ZNF704: variants seen among roughly 807,000 people sequenced by gnomAD.
The protein encoded by ZNF704 is zinc finger protein 704.
A neutral mutation model predicts 44.7 loss-of-function variants in ZNF704; 10 were observed. The ratio of observed to expected loss-of-function variants is 0.22; its 90% CI spans 0.14 to 0.38. The LOEUF is 0.38. Ranked by LOEUF, ZNF704 falls within the 10% of genes least tolerant of loss-of-function variation. The probability of loss-of-function intolerance (pLI) is 1.00; values close to 1 mark genes in which losing one functional copy is unlikely to be tolerated. For missense variants in ZNF704, 390 were observed against 545.5 expected (o/e 0.71, Z 2.84); for synonymous variants, 211 against 207.6 (o/e 1.02, Z -0.14).
chr8:80,737,119 C>T (rs1369906226), intron 2 of ZNF704, among the ~76,000 whole-genome samples: 1 of 152,184 alleles, frequency 6.6e-6, no homozygotes, highest in Non-Finnish European at 1.5e-5. Context: ...AGGTGATTTG[C>T]TAACCATGTT....
chr8:80,862,066 C>A (rs997988315), intron 1 of ZNF704, among the ~76,000 whole-genome samples: 17 of 119,244 alleles, frequency 1.4e-4, no homozygotes, highest in African/African-American at 5.7e-4. Context: ...TGCAGTGGTG[C>A]GATCTTGGCT....
At chr8:80,768,235 C>G (rs1251569237) in intron 2 of ZNF704, among the ~76,000 whole-genome samples, 5 of 152,046 alleles carry the variant, frequency 3.3e-5, no homozygotes, top group Non-Finnish European at 7.4e-5. Context: ...AGAAACAAGA[C>G]TACAGTACAA....
At chr8:80,712,990 G>A (rs1026759797) in intron 2 of ZNF704, among the ~76,000 whole-genome samples, 2 of 151,676 alleles carry the variant, frequency 1.3e-5, no homozygotes, top group Non-Finnish European at 2.9e-5. Context: ...TCACCTCCGA[G>A]GTTCAAGGGA....
upstream of ZNF704, among the ~76,000 whole-genome samples, chr8:80,877,030 G>T (rs1196254114): frequency 6.6e-6 from 1 of 152,034 alleles, no homozygotes; most frequent in Non-Finnish European, 1.5e-5. Flanking sequence ...ATTGGCATTT[G>T]TGACTTAGTG....
chr8:80,821,454 T>C lies in ZNF704; in HGVS notation c.141A>G (p.Glu47=), dbSNP rs759127348. The C allele has an allele frequency of 3.1e-6, 5 of 1,614,048 alleles. No homozygotes were observed. Among genetic ancestry groups the C allele is most frequent in the East Asian group, 4.5e-5 (2 of 44,884 alleles). Reference sequence around the variant, plus strand: ...GACAGATGGAGCGAGTGTTTTCTTTTTCATGGTCAAGGATCCGGCTGGCTT... The same window carrying C: ...GACAGATGGAGCGAGTGTTTTCTTTCTCATGGTCAAGGATCCGGCTGGCTT... ...TKKASRILDH[E]KENTRSICLL... Residue 47 remains glutamate (E), a synonymous_variant, in exon 2 of 9, where the codon GAA becomes GAG. Transcript: ENST00000327835.
At chr8:80,855,141 G>T (rs534811124) in intron 1 of ZNF704, among the ~76,000 whole-genome samples, 1 of 152,254 alleles carries the variant, frequency 6.6e-6, no homozygotes, top group Admixed American at 6.5e-5. Context: ...TATATCGTCT[G>T]TACCCAGCAA....
At chr8:80,883,831 C>T in the ZNF704 span, among the ~76,000 whole-genome samples, 1 of 152,118 alleles carries the variant, frequency 6.6e-6, no homozygotes, top group Admixed American at 6.6e-5. Context: ...TAGGGTATTT[C>T]GAGGTTTGAT....
intron 2 of ZNF704, among the ~76,000 whole-genome samples, chr8:80,817,574 C>T (rs1247351614): frequency 5.3e-5 from 8 of 152,212 alleles, no homozygotes; most frequent in Non-Finnish European, 1.2e-4. Context: ...ATGTTTAATC[C>T]TGTCTTGGCA....
At chr8:80,693,450 A>G (rs1424369033) in intron 2 of ZNF704, among the ~76,000 whole-genome samples, 1 of 152,218 alleles carries the variant, frequency 6.6e-6, no homozygotes, top group Non-Finnish European at 1.5e-5. Context: ...GACGGTGGGA[A>G]GCAACACACT....
In ZNF704 at chr8:80,636,902, T is replaced by A. The variant is rs958864113; in HGVS notation, c.*4464A>T. 2 of 152,230 alleles carry A rather than the reference T, an allele frequency of 1.3e-5. No individual in the cohort carries two copies. The highest frequency in any genetic ancestry group is 2.9e-5 in the Non-Finnish European group (2 of 68,040). 9.4% of individuals were successfully genotyped at this position (152,230 alleles called of 1,614,324 possible). ...TGCTATTAAAGCAAAATGTACATCG[T>A]TCACGGCTTGCTTTCGCCTACGGAA... On this transcript the variant is annotated 3_prime_UTR_variant, in exon 9 of 9. Transcript: ENST00000327835.
intron 4 of ZNF704, among the ~76,000 whole-genome samples, chr8:80,671,436 A>C (rs1818276652): frequency 6.6e-6 from 1 of 152,276 alleles, no homozygotes; most frequent in African/African-American, 2.4e-5. Context: ...TTTATAAAAT[A>C]GGAATAATAA....
chr8:80,676,891 G>A lies in ZNF704; in HGVS notation c.559-6288C>T, dbSNP rs59885552. Reference sequence around the variant, plus strand: ...TTGACCTGCAGGAGGCGGAGCACAGGCGGTAATGCTCGCTTGCCTCCTGCT... The same window carrying A: ...TTGACCTGCAGGAGGCGGAGCACAGACGGTAATGCTCGCTTGCCTCCTGCT... On this transcript the variant is annotated intron_variant, in intron 4 of 8. Coordinates refer to ENST00000327835, the MANE Select transcript of ZNF704 (RefSeq NM_001033723.3). Among the ~76,000 whole-genome samples, 854 of 152,334 alleles carry A rather than the reference G, an allele frequency of 5.6e-3. 10 individuals are homozygous for A. The highest frequency in any genetic ancestry group is 0.019 in the African/African-American group (809 of 41,574).
At chr8:80,786,787 G>A (rs569701591) in intron 2 of ZNF704, among the ~76,000 whole-genome samples, 8 of 152,140 alleles carry the variant, frequency 5.3e-5, no homozygotes, top group East Asian at 1.9e-4. Context: ...TGGACTCACC[G>A]ATAGCCCAGA....
chr8:80,779,981 G>A (rs1020965780), intron 2 of ZNF704, among the ~76,000 whole-genome samples: 1 of 152,024 alleles, frequency 6.6e-6, no homozygotes, highest in Non-Finnish European at 1.5e-5. Flanking sequence ...CTAGTGGGAA[G>A]GAGCAGCAAA....
At chr8:80,733,089 A>T (rs753529511) in intron 2 of ZNF704, among the ~76,000 whole-genome samples, 1 of 152,158 alleles carries the variant, frequency 6.6e-6, no homozygotes, top group African/African-American at 2.4e-5. Context: ...TTGTGAACAC[A>T]GCAATAAAAG....
At chr8:80,833,269 G>A (rs960049754) in intron 1 of ZNF704, among the ~76,000 whole-genome samples, 1 of 152,196 alleles carries the variant, frequency 6.6e-6, no homozygotes, top group African/African-American at 2.4e-5. Flanking sequence ...AGAATCGCTT[G>A]AACCTGGGAG....
intron 2 of ZNF704, among the ~76,000 whole-genome samples, chr8:80,795,114 C>T (rs534355666): frequency 4.7e-4 from 72 of 152,286 alleles, no homozygotes; most frequent in African/African-American, 1.6e-3. Context: ...CTCACACAAG[C>T]GCACACACAG....
At position 80,874,665 on chromosome 8, in the gene ZNF704, G is replaced by A. The variant is rs1274634185; in HGVS notation, c.-116C>T. 2 of 152,076 alleles carry A rather than the reference G, an allele frequency of 1.3e-5. No homozygotes were observed. The highest frequency in any genetic ancestry group is 2.4e-5 in the African/African-American group (1 of 41,418). 9.4% of individuals were successfully genotyped at this position (152,076 alleles called of 1,614,324 possible). On this transcript the variant is annotated 5_prime_UTR_variant, in exon 1 of 9. Transcript: ENST00000327835. The surrounding 1 kb of genome is among the most constrained non-coding windows in gnomAD (Gnocchi z 4.4). Reference sequence around the variant, plus strand: ...CCCATTCTTCCCTCCGGAGGGAGGGGAGTAGACTTCGCTGGAAGTAAGGTT... The same window carrying A: ...CCCATTCTTCCCTCCGGAGGGAGGGAAGTAGACTTCGCTGGAAGTAAGGTT...
chr8:80,820,039 C>T (rs1808243256), intron 2 of ZNF704, among the ~76,000 whole-genome samples: 1 of 152,164 alleles, frequency 6.6e-6, no homozygotes, highest in Non-Finnish European at 1.5e-5. Flanking sequence ...CAAACAATTG[C>T]TATAAGCTCT....
Sources: gnomAD v4.1 joint callset for allele counts (sites outside exome capture counted in the v4.1 genomes callset) on GRCh38, gnomAD v4.1.1 for gene constraint, Gnocchi (gnomAD v3.1) non-coding constraint, MANE v1.5 for transcripts, NCBI Gene and HGNC (gene_info 2026-07-23, HGNC 2026-07-21) for gene names.